Variants in PDE4D observed in about 807,000 individuals in gnomAD.
The protein encoded by PDE4D is 3',5'-cyclic-AMP phosphodiesterase 4D.
In PDE4D, 24 loss-of-function variants were observed where a neutral mutation model predicts 87.4. The observed-to-expected ratio is 0.27, with a 90% CI of 0.20 to 0.39. The LOEUF is 0.39. Among genes scored for constraint, PDE4D ranks in the 10% least tolerant of loss-of-function variants. PDE4D has a pLI of 1.00. For synonymous variants in PDE4D, 384 were observed against 383.2 expected, an observed-to-expected ratio of 1.00 and a Z score of -0.02; for missense variants, 714 against 1,041.0, an observed-to-expected ratio of 0.69 and a Z score of 4.32.
At chr5:59,714,374 T>C (rs901934791) in intron 1 of PDE4D, among the ~76,000 whole-genome samples, 2 of 152,056 alleles carry the variant, frequency 1.3e-5, no homozygotes, top group African/African-American at 4.8e-5. Flanking sequence ...CAGGTGGAAA[T>C]GTTGAGCTTT....
At chr5:59,836,026 G>A (rs992144930) in intron 1 of PDE4D, among the ~76,000 whole-genome samples, 7 of 151,914 alleles carry the variant, frequency 4.6e-5, no homozygotes, top group African/African-American at 1.7e-4. Context: ...TATAAAATAT[G>A]CTAAAATAAA....
At chr5:59,161,570 T>C (rs1004789677) in intron 5 of PDE4D, among the ~76,000 whole-genome samples, 13 of 152,064 alleles carry the variant, frequency 8.5e-5, no homozygotes, top group Non-Finnish European at 1.5e-5. Flanking sequence ...TTAAGGTCTG[T>C]GGTGATGTTA....
At chr5:59,580,282 C>T (rs772606860) in intron 1 of PDE4D, among the ~76,000 whole-genome samples, 10 of 152,128 alleles carry the variant, frequency 6.6e-5, no homozygotes, top group Non-Finnish European at 1.3e-4. Context: ...TGAACATTAC[C>T]TTCCTCATCT....
At chr5:60,269,412 A>G (rs528711530) in intron 1 of PDE4D, among the ~76,000 whole-genome samples, 1 of 152,376 alleles carries the variant, frequency 6.6e-6, no homozygotes, top group Admixed American at 6.5e-5. Context: ...CTTCAAAAAC[A>G]GCAACTTTAA....
rs757034970 is a variant in PDE4D, at chr5:58,975,081, C to CTAGT, written c.2014-5_2014-2dup. 4.8e-6 allele frequency: 7 copies of CTAGT among 1,465,250 alleles called. No homozygotes were observed. Among genetic ancestry groups the CTAGT allele is most frequent in the Admixed American group, 2.3e-5 (1 of 43,428 alleles). The allele number at this position is 1,465,250 out of a possible 1,614,324, so 90.8% of individuals were successfully genotyped here. A position where few individuals can be genotyped will look rare whatever the true frequency, so the allele number is the denominator to read the frequency against. On this transcript the variant is annotated splice_acceptor_variant, in intron 14 of 14. Coordinates refer to ENST00000340635, the MANE Select transcript of PDE4D (RefSeq NM_001104631.2). LOFTEE classifies it high-confidence loss of function. The surrounding 1 kb of genome is among the most constrained non-coding windows in gnomAD (Gnocchi z 4.2). Reference sequence around the variant, plus strand: ...GAACAATATAGTCTATGAAGCCCACCTAGTTAAGAAAAAAATCCAGTATGA... The same window carrying CTAGT: ...GAACAATATAGTCTATGAAGCCCACCTAGTTAGTTAAGAAAAAAATCCAGTATGA...
chr5:60,332,249 T>C (rs1360956099), intron 1 of PDE4D, among the ~76,000 whole-genome samples: 2 of 152,194 alleles, frequency 1.3e-5, no homozygotes, highest in South Asian at 2.1e-4. Context: ...CACTGCATGA[T>C]GCTAAGGTTT....
chr5:59,524,503 C>A (rs1056719057), intron 1 of PDE4D, among the ~76,000 whole-genome samples: 2 of 152,078 alleles, frequency 1.3e-5, no homozygotes, highest in Middle Eastern at 3.2e-3. Flanking sequence ...AAAGGAAGCA[C>A]ACCATAAAAG....
At chr5:60,491,892 G>A (rs1204410855), upstream of PDE4D, among the ~76,000 whole-genome samples, 1 of 152,112 alleles carries the variant, frequency 6.6e-6, no homozygotes, top group Non-Finnish European at 1.5e-5. Flanking sequence ...GCCACACACA[G>A]TAACTACCTC....
intron 1 of PDE4D, among the ~76,000 whole-genome samples, chr5:59,740,843 A>T (rs977221703): frequency 6.6e-6 from 1 of 152,204 alleles, no homozygotes; most frequent in Non-Finnish European, 1.5e-5. Context: ...GCTAACTAGT[A>T]GCATAGGAGG....
At chr5:60,301,089 C>G (rs1753849741) in intron 1 of PDE4D, among the ~76,000 whole-genome samples, 1 of 152,140 alleles carries the variant, frequency 6.6e-6, no homozygotes, top group Non-Finnish European at 1.5e-5. Context: ...GTTCTTATAC[C>G]AATACCATGC....
At chr5:59,549,216 C>T (rs1213919333) in intron 1 of PDE4D, among the ~76,000 whole-genome samples, 1 of 152,162 alleles carries the variant, frequency 6.6e-6, no homozygotes, top group Non-Finnish European at 1.5e-5. Context: ...TAGAAAGCTA[C>T]TTTTTCTACC....
At position 59,391,962 on chromosome 5, in the gene PDE4D, C is replaced by CAT. The variant is rs199964454; in HGVS notation, c.456-175996_456-175995dup. ...AATAAATATATATTTCTATATATTA[C>CAT]ATATATATATAATATATAAATTATT... On this transcript the variant is annotated intron_variant, in intron 1 of 14. Coordinates refer to ENST00000340635, the MANE Select transcript of PDE4D (RefSeq NM_001104631.2). 7.4e-3 allele frequency among the ~76,000 whole-genome samples: 1,098 copies of CAT among 147,976 alleles called. 5 individuals are homozygous for CAT. The highest frequency in any genetic ancestry group is 0.011 in the Non-Finnish European group (760 of 67,172).
chr5:59,236,988 A>G (rs1285388193), intron 1 of PDE4D, among the ~76,000 whole-genome samples: 1 of 152,144 alleles, frequency 6.6e-6, no homozygotes, highest in African/African-American at 2.4e-5. Context: ...TCTTGTCCTA[A>G]TTCCCTTCAA....
chr5:59,159,974 C>T (rs1485616578), intron 5 of PDE4D, among the ~76,000 whole-genome samples: 2 of 152,086 alleles, frequency 1.3e-5, no homozygotes, highest in African/African-American at 4.8e-5. Flanking sequence ...TCATTAGCTC[C>T]TAAGTGCATT....
At chr5:60,434,076 TA>T (rs1029693907) in intron 1 of PDE4D, among the ~76,000 whole-genome samples, 9 of 149,162 alleles carry the variant, frequency 6.0e-5, no homozygotes, top group East Asian at 1.9e-4. Context: ...AACTAATATT[TA>T]AAAAAAAAAG....
chr5:58,999,919 C>T, intron 6 of PDE4D: 2 of 985,958 alleles, frequency 2.0e-6, no homozygotes, highest in Non-Finnish European at 2.4e-6. Flanking sequence ...TCAAAAGCTA[C>T]CAAATAAGGA....
intron 3 of PDE4D, among the ~76,000 whole-genome samples, chr5:59,959,629 A>G (rs1440309885): frequency 2.0e-5 from 3 of 152,180 alleles, no homozygotes; most frequent in Non-Finnish European, 4.4e-5. Context: ...CTTATTCAAT[A>G]AACAGTGCTG....
chr5:59,248,607 T>C (rs879683741), intron 1 of PDE4D, among the ~76,000 whole-genome samples: 12 of 152,208 alleles, frequency 7.9e-5, no homozygotes, highest in Non-Finnish European at 1.3e-4. Context: ...AGAAATTTAG[T>C]TACATCATTG....
intron 1 of PDE4D, among the ~76,000 whole-genome samples, chr5:60,249,217 T>C (rs1422497029): frequency 3.3e-5 from 5 of 152,024 alleles, no homozygotes; most frequent in Admixed American, 6.6e-5. Context: ...GACCACAGCT[T>C]AATGGCTTGT....
Sources: gnomAD v4.1 joint callset for allele counts (sites outside exome capture counted in the v4.1 genomes callset) on GRCh38, gnomAD v4.1.1 for gene constraint, Gnocchi (gnomAD v3.1) non-coding constraint, MANE v1.5 for transcripts, NCBI Gene and HGNC (gene_info 2026-07-23, HGNC 2026-07-21) for gene names.